The following ROGDI variants were observed in gnomAD, a reference collection of about 807,000 sequenced individuals.
ROGDI encodes protein rogdi homolog.
A neutral mutation model predicts 43.1 loss-of-function variants in ROGDI; 46 were observed. The observed-to-expected ratio is 1.07, with a 90% confidence interval of 0.84 to 1.37. ROGDI has a LOEUF of 1.37. Among genes scored for constraint, ROGDI ranks in the 40% most tolerant of loss-of-function variants. The pLI, the probability that ROGDI is intolerant of heterozygous loss-of-function variation, is 0.00. For missense variants in ROGDI, 518 were observed against 383.9 expected, an observed-to-expected ratio of 1.35 and a Z score of -2.92; for synonymous variants, 243 against 162.0, an observed-to-expected ratio of 1.50 and a Z score of -3.80.
intron 4 of ROGDI, chr16:4,800,799 G>A (rs944453578): frequency 6.9e-6 from 4 of 580,942 alleles, no homozygotes; most frequent in Admixed American, 3.1e-5. Flanking sequence ...GAAGTGAAAT[G>A]GAAAGAGGTG....
intron 9 of ROGDI, 30 bp from the exon 10 acceptor site, chr16:4,797,870 G>C: frequency 1.1e-5 from 17 of 1,608,576 alleles, no homozygotes; most frequent in Non-Finnish European, 1.4e-5. Flanking sequence ...CCCTGAGGAG[G>C]GTCCCGGCCC....
In ROGDI at chr16:4,797,776, G is replaced by C. The variant is rs758800481; in HGVS notation, c.760C>G (p.Leu254Val). 1 of 1,613,780 alleles carries C rather than the reference G, an allele frequency of 6.2e-7. No homozygotes were observed. Among genetic ancestry groups the C allele is most frequent in the Non-Finnish European group, 8.5e-7 (1 of 1,179,978 alleles). Residue 254 changes from leucine (L) to valine (V), a missense_variant, in exon 10 of 11, where the codon CTC (leucine) becomes GTC (valine). Coordinates refer to ENST00000322048, the MANE Select transcript of ROGDI (RefSeq NM_024589.3). ...VHKVECVIPW[L>V]NDALVYFTVS... is the part of the protein sequence containing the mutation. ...GTGAAGTAGACCAGGGCGTCGTTGA[G>C]CCAGGGGATCACGCACTCCACTTTG...
chr16:4,797,654 G>C (rs1204896607), intron 10 of ROGDI, 60 bp downstream of exon 10: 1 of 1,610,012 alleles, frequency 6.2e-7, no homozygotes, highest in Non-Finnish European at 8.5e-7. Flanking sequence ...GGCGCTCTGA[G>C]GGTGTGGCAA....
chr16:4,801,950 ACTT>A, intron 2 of ROGDI: 1 of 573,262 alleles, frequency 1.7e-6, no homozygotes, highest in East Asian at 3.7e-5. Flanking sequence ...TACGCCGGTT[ACTT>A]CTGTGAGCTG....
chr16:4,798,846 G>A (rs375474166), intron 6 of ROGDI, 179 bp from the exon 7 acceptor site: 4 of 605,418 alleles, frequency 6.6e-6, no homozygotes, highest in Non-Finnish European at 1.2e-5. Context: ...ATGGAGGAGG[G>A]CAGGATGTCT....
At position 4,797,774 on chromosome 16, in the gene ROGDI, G is replaced by T; in HGVS notation, c.762C>A (p.Leu254=). ...CGGTGAAGTAGACCAGGGCGTCGTT[G>T]AGCCAGGGGATCACGCACTCCACTT... The part of the protein sequence containing the change: ...VHKVECVIPW[L]NDALVYFTVS... Residue 254 remains leucine, a synonymous_variant, in exon 10 of 11, where the codon CTC becomes CTA. Transcript: ENST00000322048. 1.2e-6 allele frequency: 2 copies of T among 1,613,732 alleles called. No homozygotes were observed. Among genetic ancestry groups the T allele is most frequent in the Non-Finnish European group, 1.7e-6 (2 of 1,179,960 alleles).
intron 2 of ROGDI, 195 bp downstream of exon 2, chr16:4,802,187 G>A (rs377578840): frequency 4.6e-6 from 3 of 655,734 alleles, no homozygotes; most frequent in East Asian, 5.8e-5. Context: ...CACCCTCGTC[G>A]GGACCCGCCC....
At chr16:4,798,274 G>A (rs1669935363) in intron 7 of ROGDI, 90 bp from the exon 8 acceptor site, 1 of 1,083,928 alleles carries the variant, frequency 9.2e-7, no homozygotes, top group Non-Finnish European at 1.4e-6. Flanking sequence ...GAGTCTGCAG[G>A]GGATCCCAGT....
chr16:4,799,710 G>C lies in ROGDI; in HGVS notation c.408C>G (p.Phe136Leu), dbSNP rs763531300. ...LLTSRDQSYQFKTGAEVLKLM... is the reference protein window; with the variant it reads ...LLTSRDQSYQLKTGAEVLKLM... Reference sequence around the variant, plus strand: ...CCTTGAGGACCTCAGCGCCCGTCTTGAACTGGTAGCTCTGGTCCCGGCTGG... The same window carrying C: ...CCTTGAGGACCTCAGCGCCCGTCTTCAACTGGTAGCTCTGGTCCCGGCTGG... Residue 136 changes from phenylalanine to leucine, a missense_variant, in exon 6 of 11, where the codon TTC becomes TTG. Phe to Leu is a conservative substitution (Grantham distance 22). Transcript: ENST00000322048. The C allele has an allele frequency of 1.2e-6, 2 of 1,613,616 alleles. No homozygotes were observed. The highest frequency in any genetic ancestry group is 1.7e-6 in the Non-Finnish European group (2 of 1,179,700).
intron 4 of ROGDI, 85 bp downstream of exon 4, chr16:4,801,182 C>T (rs2082710925): frequency 8.5e-7 from 1 of 1,179,982 alleles, no homozygotes; most frequent in Non-Finnish European, 1.2e-6. Flanking sequence ...CGCCCAGAGT[C>T]GCAGGGCTTG....
At chr16:4,801,735 T>C (rs2082724654) in intron 2 of ROGDI, 150 bp from the exon 3 acceptor site, 5 of 688,840 alleles carry the variant, frequency 7.3e-6, no homozygotes, top group Admixed American at 2.4e-5. Context: ...GGGAAGACCC[T>C]GCCCAAGCCC....
chr16:4,801,388 G>A (rs1487266049), intron 3 of ROGDI, 67 bp from the exon 4 acceptor site: 31 of 1,567,938 alleles, frequency 2.0e-5, no homozygotes, highest in Non-Finnish European at 2.6e-5. Context: ...CCCTCCCGGC[G>A]GGCTGCCCCT....
At chr16:4,802,499 G>GGCCCGCCT in intron 1 of ROGDI, 28 bp downstream of exon 1, 1 of 1,210,946 alleles carries the variant, frequency 8.3e-7, no homozygotes, top group Non-Finnish European at 1.0e-6. Context: ...CCGCCCCGCC[G>GGCCCGCCT]GCCCGCCCGC....
At position 4,800,589 on chromosome 16, in the gene ROGDI, A is replaced by G. The variant is rs767613340; in HGVS notation, c.256-11T>C. The G allele has an allele frequency of 2.6e-6, 4 of 1,559,746 alleles. No homozygotes were observed. The Admixed American group carries it at 5.8e-5, about 22-fold the overall frequency. On this transcript the variant is annotated splice_polypyrimidine_tract_variant and intron_variant, in intron 4 of 10. Coordinates refer to ENST00000322048, the MANE Select transcript of ROGDI (RefSeq NM_024589.3). ...CTTCAGGTTCACATCCTGACAGGCA[A>G]GAGTGGGGTGAGCTGGGCAGTGGGG...
chr16:4,800,442 AGGCCT>A, intron 5 of ROGDI, 51 bp downstream of exon 5: 1 of 1,421,420 alleles, frequency 7.0e-7, no homozygotes, highest in Non-Finnish European at 9.7e-7. Context: ...GCCCCGCGGC[AGGCCT>A]GCTGCCGCCT....
intron 8 of ROGDI, 41 bp downstream of exon 8, chr16:4,798,030 G>C: frequency 6.2e-7 from 1 of 1,613,428 alleles, no homozygotes; most frequent in Non-Finnish European, 8.5e-7. Context: ...TGCAGGGCGT[G>C]TGCATGGCGG....
intron 4 of ROGDI, 125 bp downstream of exon 4, chr16:4,801,142 G>C (rs1481766630): frequency 8.1e-6 from 6 of 736,280 alleles, no homozygotes; most frequent in Non-Finnish European, 1.3e-5. Context: ...TTCCAAAGGA[G>C]AAAACTGAGG....
At chr16:4,798,818 G>A in intron 6 of ROGDI, 151 bp from the exon 7 acceptor site, 1 of 652,296 alleles carries the variant, frequency 1.5e-6, no homozygotes. Context: ...AAGACAGGTA[G>A]TTGGGCTCCA....
chr16:4,800,678 G>A, intron 4 of ROGDI, 100 bp from the exon 5 acceptor site: 1 of 1,005,888 alleles, frequency 9.9e-7, no homozygotes, highest in Non-Finnish European at 1.5e-6. Context: ...GTGTGTGGTG[G>A]TTCAGGCCTT....
Sources: gnomAD v4.1 joint callset for allele counts on GRCh38, gnomAD v4.1.1 for gene constraint, MANE v1.5 for transcripts, NCBI Gene and HGNC (gene_info 2026-07-23, HGNC 2026-07-21) for gene names.